Variants in SPAM1 observed in about 807,000 individuals in gnomAD.
SPAM1 encodes hyaluronidase PH-20.
A neutral mutation model predicts 29.6 loss-of-function variants in SPAM1; 22 were observed. That is an observed-to-expected ratio of 0.74 (90% CI 0.53 to 1.06). The LOEUF is 1.06. Among genes scored for constraint, SPAM1 ranks in the 50% least tolerant of loss-of-function variants. The pLI is 0.00. For synonymous variants in SPAM1, 194 were observed against 204.6 expected, an observed-to-expected ratio of 0.95 and a Z score of 0.44; for missense variants, 534 against 604.0, an observed-to-expected ratio of 0.88 and a Z score of 1.21.
chr7:123,929,894 G>GTTTTTTTTTTTT (rs1808013640), intron 1 of SPAM1, among the ~76,000 whole-genome samples: 2 of 124,704 alleles, frequency 1.6e-5, no homozygotes, highest in Non-Finnish European at 1.8e-5. Context: ...GGTGTTTAGG[G>GTTTTTTTTTTTT]ATTTTTTTTT....
At chr7:123,963,343 C>A (rs895321775), downstream of SPAM1, among the ~76,000 whole-genome samples, 4 of 130,660 alleles carry the variant, frequency 3.1e-5, no homozygotes, top group Admixed American at 7.1e-5. Flanking sequence ...TTATGGGTAT[C>A]TTTTATTTTT....
intron 1 of SPAM1, among the ~76,000 whole-genome samples, chr7:123,940,764 G>T (rs1808404568): frequency 6.6e-6 from 1 of 151,952 alleles, no homozygotes; most frequent in Admixed American, 6.6e-5. Context: ...TCAAATCTCT[G>T]GAATTACAGC....
intron 1 of SPAM1, among the ~76,000 whole-genome samples, chr7:123,940,683 TG>T (rs1159235017): frequency 6.6e-6 from 1 of 152,020 alleles, no homozygotes; most frequent in East Asian, 1.9e-4. Flanking sequence ...TTTTTAAACA[TG>T]GGGGTCTTCC....
chr7:123,940,160 A>G (rs1178528406), intron 1 of SPAM1, among the ~76,000 whole-genome samples: 2 of 151,660 alleles, frequency 1.3e-5, no homozygotes, highest in South Asian at 2.1e-4. Context: ...GAACATCTTC[A>G]TTTTAAAGTG....
intron 1 of SPAM1, among the ~76,000 whole-genome samples, chr7:123,939,922 CCT>C (rs773905655): frequency 3.9e-5 from 6 of 152,174 alleles, no homozygotes; most frequent in Non-Finnish European, 8.8e-5. Flanking sequence ...TGAGATCTTT[CCT>C]CTTAGTAATT....
intron 1 of SPAM1, among the ~76,000 whole-genome samples, chr7:123,937,605 A>T (rs1808298482): frequency 6.6e-6 from 1 of 151,462 alleles, no homozygotes; most frequent in Non-Finnish European, 1.5e-5. Flanking sequence ...TCAAAAAAAA[A>T]AAAAAAAAAA....
rs1463229202 is a variant in SPAM1 at position 123,953,427 on chromosome 7, T to A, written c.-144T>A. 2.0e-6 allele frequency: 1 copy of A among 505,130 alleles called. No homozygotes were observed. The highest frequency in any genetic ancestry group is 3.4e-6 in the Non-Finnish European group (1 of 290,888). The allele number at this position is 505,130 out of a possible 1,614,324, so 31.3% of individuals were successfully genotyped here. A position where few individuals can be genotyped will look rare whatever the true frequency, so the allele number is the denominator to read the frequency against. On this transcript the variant is annotated 5_prime_UTR_variant, in exon 3 of 5. The change abolishes an upstream ATG in the 5' untranslated region. Transcript: ENST00000682466. ...TGAAACAAGAATAATAATATTTAAA[T>A]GTAACTTAATCATTATACCTCTTTA...
downstream of SPAM1, among the ~76,000 whole-genome samples, chr7:123,961,873 G>A (rs532476637): frequency 2.4e-4 from 37 of 152,052 alleles, no homozygotes; most frequent in African/African-American, 8.7e-4. Flanking sequence ...GACAATGAGA[G>A]ACAAGGGAAA....
chr7:123,950,474 T>C (rs1808723970), intron 2 of SPAM1, among the ~76,000 whole-genome samples: 1 of 152,092 alleles, frequency 6.6e-6, no homozygotes, highest in African/African-American at 2.4e-5. Flanking sequence ...TGTCCATGAG[T>C]ACTCATTGTT....
At chr7:123,951,073 G>A (rs1808747522) in intron 2 of SPAM1, among the ~76,000 whole-genome samples, 1 of 152,048 alleles carries the variant, frequency 6.6e-6, no homozygotes, top group African/African-American at 2.4e-5. Flanking sequence ...AAAAATGCCT[G>A]TTAGTGTCCT....
At chr7:123,938,761 A>G (rs1808334709) in intron 1 of SPAM1, among the ~76,000 whole-genome samples, 1 of 152,180 alleles carries the variant, frequency 6.6e-6, no homozygotes, top group African/African-American at 2.4e-5. Context: ...TTAATTGCAA[A>G]CCCATAGCCC....
chr7:123,961,564 A>T (rs939043770), downstream of SPAM1, among the ~76,000 whole-genome samples: 2 of 151,872 alleles, frequency 1.3e-5, no homozygotes, highest in South Asian at 4.2e-4. Flanking sequence ...TAATCCATTC[A>T]TCTGTTGATG....
chr7:123,951,677 A>G lies in SPAM1; in HGVS notation c.-206-1688A>G, dbSNP rs908579813. On this transcript the variant is annotated intron_variant, in intron 2 of 4. Coordinates refer to ENST00000682466, the MANE Select transcript of SPAM1 (RefSeq NM_153189.3). ...CATTCTGTCACCAAGGCTGAAGTAC[A>G]GTGGTGCTATCTCAGCTCCCTGCAA... is the stretch of plus-strand genomic sequence containing the variant. 4.6e-5 allele frequency among the ~76,000 whole-genome samples: 7 copies of G among 152,100 alleles called. No homozygotes were observed. In the East Asian group the frequency reaches 1.4e-3, roughly 29 times the overall value.
intron 1 of SPAM1, among the ~76,000 whole-genome samples, chr7:123,932,784 C>G (rs1014739500): frequency 6.6e-6 from 1 of 152,160 alleles, no homozygotes; most frequent in African/African-American, 2.4e-5. Flanking sequence ...TGACCAGATG[C>G]TACAGGCAGA....
downstream of SPAM1, among the ~76,000 whole-genome samples, chr7:123,961,800 G>T (rs574732682): frequency 1.3e-5 from 2 of 152,098 alleles, no homozygotes; most frequent in African/African-American, 2.4e-5. Flanking sequence ...GTTCCGCATG[G>T]CTGGGGAGGT....
intron 1 of SPAM1, among the ~76,000 whole-genome samples, chr7:123,930,590 A>G (rs1808042668): frequency 6.6e-6 from 1 of 152,218 alleles, no homozygotes; most frequent in Admixed American, 6.5e-5. Context: ...AGTGAGATGC[A>G]CCCAATTACA....
chr7:123,960,156 A>G (rs1207017498), downstream of SPAM1: 2 of 748,350 alleles, frequency 2.7e-6, no homozygotes, highest in African/African-American at 3.5e-5. Context: ...ATGAATTCTC[A>G]ACCATGAGTT....
chr7:123,931,915 T>A (rs1808094204), intron 1 of SPAM1, among the ~76,000 whole-genome samples: 2 of 152,134 alleles, frequency 1.3e-5, no homozygotes, highest in South Asian at 4.1e-4. Context: ...TTGTCCAAAC[T>A]CCAGCCCAAT....
chr7:123,932,296 T>G (rs936913412), intron 1 of SPAM1: 1 of 152,262 alleles, frequency 6.6e-6, no homozygotes, highest in African/African-American at 2.4e-5. Context: ...GTGAGCATGA[T>G]AATTGTTTTC....
Sources: gnomAD v4.1 joint callset for allele counts (sites outside exome capture counted in the v4.1 genomes callset) on GRCh38, gnomAD v4.1.1 for gene constraint, MANE v1.5 for transcripts, NCBI Gene and HGNC (gene_info 2026-07-23, HGNC 2026-07-21) for gene names.